The following GRIK2 variants were observed in gnomAD, a reference collection of about 807,000 sequenced individuals.
GRIK2 encodes glutamate receptor ionotropic, kainate 2.
A neutral mutation model predicts 100.3 loss-of-function variants in GRIK2; 32 were observed. The observed-to-expected ratio is 0.32, with a 90% CI of 0.24 to 0.43. The LOEUF is 0.43. Ranked by LOEUF, GRIK2 falls within the 20% of genes least tolerant of loss-of-function variation. GRIK2 has a pLI of 1.00. For missense variants in GRIK2, 843 were observed against 1,114.9 expected (o/e 0.76, Z 3.47); for synonymous variants, 417 against 389.4 (o/e 1.07, Z -0.83).
intron 2 of GRIK2, among the ~76,000 whole-genome samples, chr6:101,572,119 A>G (rs534218646): frequency 2.3e-3 from 355 of 151,934 alleles, no homozygotes; most frequent in African/African-American, 8.2e-3. Context: ...GTTACTTTCT[A>G]GCTTTGTCAT....
At chr6:101,736,076 T>A (rs1302429109) in intron 7 of GRIK2, among the ~76,000 whole-genome samples, 1 of 152,092 alleles carries the variant, frequency 6.6e-6, no homozygotes, top group Non-Finnish European at 1.5e-5. Context: ...TGATCTTTTT[T>A]TACTCCATGT....
intron 6 of GRIK2, 21 bp from the exon 7 acceptor site, chr6:101,686,159 A>T: frequency 6.3e-7 from 1 of 1,598,496 alleles, no homozygotes; most frequent in Non-Finnish European, 8.6e-7. Context: ...TAATAACAAC[A>T]CAATAACATT....
intron 2 of GRIK2, among the ~76,000 whole-genome samples, chr6:101,426,026 TC>T (rs1470526222): frequency 3.8e-4 from 58 of 152,234 alleles, no homozygotes; most frequent in African/African-American, 1.3e-3. Context: ...ATCTTTGATT[TC>T]TCTTTTTCTT....
intron 10 of GRIK2, among the ~76,000 whole-genome samples, chr6:101,825,144 T>G (rs1782235021): frequency 6.6e-6 from 1 of 152,158 alleles, no homozygotes; most frequent in African/African-American, 2.4e-5. Flanking sequence ...ATTTTCCTTC[T>G]CAGCAATCTC....
At chr6:101,640,974 T>C (rs2128324335) in intron 4 of GRIK2, among the ~76,000 whole-genome samples, 1 of 152,254 alleles carries the variant, frequency 6.6e-6, no homozygotes, top group East Asian at 1.9e-4. Flanking sequence ...ACTGACAAAA[T>C]TATTAATCAC....
intron 2 of GRIK2, among the ~76,000 whole-genome samples, chr6:101,413,603 G>T (rs1775978833): frequency 6.6e-6 from 1 of 152,038 alleles, no homozygotes; most frequent in Admixed American, 6.5e-5. Context: ...ATCCTAATGA[G>T]ATCCTGATTG....
intron 7 of GRIK2, among the ~76,000 whole-genome samples, chr6:101,687,518 C>T (rs1771781542): frequency 6.6e-6 from 1 of 151,796 alleles, no homozygotes; most frequent in Non-Finnish European, 1.5e-5. Context: ...TCAATAGCTT[C>T]AAAGCTTGTT....
At chr6:101,884,345 T>C (rs999929101) in intron 11 of GRIK2, among the ~76,000 whole-genome samples, 1 of 152,132 alleles carries the variant, frequency 6.6e-6, no homozygotes, top group Admixed American at 6.6e-5. Context: ...AAAACAACGT[T>C]TAGAACTGAT....
chr6:101,999,220 G>A (rs1317459430), intron 14 of GRIK2, among the ~76,000 whole-genome samples: 1 of 151,764 alleles, frequency 6.6e-6, no homozygotes, highest in Non-Finnish European at 1.5e-5. Flanking sequence ...CACTATTCTA[G>A]ATATTTTGCA....
chr6:102,047,393 T>C (rs889149828), intron 15 of GRIK2, among the ~76,000 whole-genome samples: 3 of 152,118 alleles, frequency 2.0e-5, no homozygotes, highest in Non-Finnish European at 4.4e-5. Flanking sequence ...CTGAAAGAGA[T>C]TGAAGACACA....
chr6:101,693,750 A>G (rs1772275794), intron 7 of GRIK2, among the ~76,000 whole-genome samples: 1 of 152,068 alleles, frequency 6.6e-6, no homozygotes, highest in Admixed American at 6.6e-5. Flanking sequence ...TATATCTAAT[A>G]TGGCACTTGT....
intron 2 of GRIK2, among the ~76,000 whole-genome samples, chr6:101,616,867 A>G (rs1779916917): frequency 6.6e-6 from 1 of 151,546 alleles, no homozygotes; most frequent in Admixed American, 6.6e-5. Flanking sequence ...TCTTACATTT[A>G]GCGGTTATTT....
chr6:101,431,554 G>A (rs1769395936), intron 2 of GRIK2: 1 of 152,218 alleles, frequency 6.6e-6, no homozygotes, highest in Admixed American at 6.5e-5. Flanking sequence ...CATGGAGAGT[G>A]GGTTGGCAGT....
At chr6:101,634,272 G>A (rs933199256) in intron 4 of GRIK2, among the ~76,000 whole-genome samples, 5 of 152,038 alleles carry the variant, frequency 3.3e-5, no homozygotes, top group African/African-American at 7.2e-5. Context: ...AGTGGTTGCC[G>A]GGAAGGAGTG....
At chr6:101,633,601 A>G (rs570649352) in intron 4 of GRIK2, among the ~76,000 whole-genome samples, 61 of 152,310 alleles carry the variant, frequency 4.0e-4, no homozygotes, top group Admixed American at 9.8e-4. Flanking sequence ...TAATCTCACA[A>G]TTTTTGAAAT....
At chr6:101,415,621 C>G (rs1312491713) in intron 2 of GRIK2, among the ~76,000 whole-genome samples, 1 of 152,002 alleles carries the variant, frequency 6.6e-6, no homozygotes, top group Non-Finnish European at 1.5e-5. Flanking sequence ...CCACCCGCCT[C>G]GGCCTCCCAA....
In GRIK2 at chr6:101,961,426, T is replaced by C. The variant is rs1025668376; in HGVS notation, c.2085+32794T>C. 4.6e-5 allele frequency among the ~76,000 whole-genome samples: 7 copies of C among 152,144 alleles called. No individual in the cohort carries two copies. The East Asian group carries it at 9.8e-4, about 21-fold the overall frequency. ...GCAACTCCTCCTAATAGTCCTATAATGGTTCTCCCTAGGCATACCCATGCC... is the reference window on the plus strand; with the variant it reads ...GCAACTCCTCCTAATAGTCCTATAACGGTTCTCCCTAGGCATACCCATGCC... On this transcript the variant is annotated intron_variant, in intron 14 of 16. Transcript: ENST00000369134.
chr6:101,461,095 C>T (rs1460332845), intron 2 of GRIK2, among the ~76,000 whole-genome samples: 1 of 152,122 alleles, frequency 6.6e-6, no homozygotes, highest in Non-Finnish European at 1.5e-5. Context: ...GAAGAGTCAA[C>T]TAATTTCCTA....
intron 14 of GRIK2, chr6:101,993,317 G>A (rs918825946): frequency 2.9e-5 from 4 of 136,106 alleles, no homozygotes; most frequent in Admixed American, 2.2e-4. Context: ...ATAAATAGGT[G>A]ACTCTATTTT....
Sources: allele counts gnomAD v4.1 joint callset (sites outside exome capture counted in the v4.1 genomes callset), GRCh38; gene constraint gnomAD v4.1.1; transcripts MANE v1.5; gene names NCBI Gene and HGNC (gene_info 2026-07-23, HGNC 2026-07-21).